The following CDH8 variants were observed in gnomAD, a reference collection of about 807,000 sequenced individuals.
The protein encoded by CDH8 is cadherin-8.
A neutral mutation model predicts 68.1 loss-of-function variants in CDH8; 17 were observed. The ratio of observed to expected loss-of-function variants is 0.25; its 90% CI spans 0.17 to 0.37. The LOEUF is 0.37. Among genes scored for constraint, CDH8 ranks in the 10% least tolerant of loss-of-function variants. CDH8 has a pLI of 1.00. For missense variants in CDH8, 763 were observed against 999.3 expected, an observed-to-expected ratio of 0.76 and a Z score of 3.19; for synonymous variants, 372 against 365.1, an observed-to-expected ratio of 1.02 and a Z score of -0.21.
chr16:61,909,601 G>A (rs1484023661), intron 2 of CDH8, among the ~76,000 whole-genome samples: 2 of 152,130 alleles, frequency 1.3e-5, no homozygotes, highest in African/African-American at 4.8e-5. Flanking sequence ...AGACCCTCAG[G>A]AAAGCATGAA....
At chr16:61,723,442 T>G (rs62050477) in intron 9 of CDH8, among the ~76,000 whole-genome samples, 19,520 of 150,738 alleles carry the variant, frequency 0.13, 1,310 homozygotes, top group African/African-American at 0.16. Context: ...ATGTTTTCTG[T>G]CTCTGGTGAA....
chr16:61,844,825 A>G (rs765872969), intron 4 of CDH8, among the ~76,000 whole-genome samples: 4 of 152,224 alleles, frequency 2.6e-5, no homozygotes, highest in Non-Finnish European at 4.4e-5. Context: ...TGGCACATCA[A>G]TAATCAGTTT....
At chr16:61,668,442 T>C (rs961753208) in intron 10 of CDH8, among the ~76,000 whole-genome samples, 1 of 151,984 alleles carries the variant, frequency 6.6e-6, no homozygotes, top group Non-Finnish European at 1.5e-5. Context: ...CCTCAGGCAT[T>C]GGGGAATGAG....
At chr16:62,001,114 A>C (rs1965886701) in intron 2 of CDH8, among the ~76,000 whole-genome samples, 1 of 152,280 alleles carries the variant, frequency 6.6e-6, no homozygotes, top group Admixed American at 6.5e-5. Context: ...AATTAGGGGA[A>C]TGACTGGTCT....
intron 2 of CDH8, among the ~76,000 whole-genome samples, chr16:62,011,134 A>G (rs1379050841): frequency 6.6e-6 from 1 of 152,134 alleles, no homozygotes; most frequent in Admixed American, 6.6e-5. Context: ...CTGTTTCTCA[A>G]TATTCCTCAG....
intron 4 of CDH8, among the ~76,000 whole-genome samples, chr16:61,827,789 G>T (rs1050766776): frequency 6.6e-6 from 1 of 151,734 alleles, no homozygotes; most frequent in Non-Finnish European, 1.5e-5. Flanking sequence ...TGAACAACAC[G>T]GGAGGTAAGG....
At chr16:61,843,990 G>A (rs191979758) in intron 4 of CDH8, among the ~76,000 whole-genome samples, 2 of 151,936 alleles carry the variant, frequency 1.3e-5, no homozygotes, top group African/African-American at 4.8e-5. Flanking sequence ...TGTTTATTGC[G>A]GCACTATTCA....
rs191804090 is a variant in CDH8, at chr16:61,938,228, T to C, written c.253-36755A>G. ...ACATGAGTGGCTGTAGACAAGTTGA[T>C]GAGGAATGAATTAATTACCCAGTCA... is the stretch of plus-strand genomic sequence containing the variant. On this transcript the variant is annotated intron_variant, in intron 2 of 11. Transcript: ENST00000577390. 2.0e-3 allele frequency among the ~76,000 whole-genome samples: 307 copies of C among 152,230 alleles called. 1 individual carries two copies. Among genetic ancestry groups the C allele is most frequent in the Middle Eastern group, 3.4e-3 (1 of 294 alleles).
At chr16:61,715,160 T>C (rs1206072625) in intron 9 of CDH8, among the ~76,000 whole-genome samples, 1 of 151,678 alleles carries the variant, frequency 6.6e-6, no homozygotes, top group African/African-American at 2.4e-5. Flanking sequence ...ATAATCTTAC[T>C]TTGTAAGTGT....
chr16:61,960,317 A>G lies in CDH8; in HGVS notation c.253-58844T>C, dbSNP rs549312674. 1.5e-4 allele frequency among the ~76,000 whole-genome samples: 14 copies of G among 95,014 alleles called. 2 individuals are homozygous for G. The highest frequency in any genetic ancestry group is 2.3e-4 in the Non-Finnish European group (12 of 52,890). 62.3% of individuals were successfully genotyped at this position (95,014 alleles called of 152,430 possible). On this transcript the variant is annotated intron_variant, in intron 2 of 11. Transcript: ENST00000577390. ...TACGTGTGTGTGTATACACACATAT[A>G]TACGTGTGTGTGTATACACACATAT...
chr16:61,663,091 T>C (rs1346045062), intron 10 of CDH8, among the ~76,000 whole-genome samples: 1 of 152,000 alleles, frequency 6.6e-6, no homozygotes, highest in African/African-American at 2.4e-5. Context: ...AATGACAATA[T>C]TCCTAAAGTG....
chr16:61,940,151 A>G (rs1434373818), intron 2 of CDH8: 1 of 152,180 alleles, frequency 6.6e-6, no homozygotes, highest in Non-Finnish European at 1.5e-5. Flanking sequence ...TTTTTACATA[A>G]AAAGAATTTA....
chr16:61,825,850 A>G (rs193231693), intron 4 of CDH8, among the ~76,000 whole-genome samples: 44 of 152,060 alleles, frequency 2.9e-4, no homozygotes, highest in African/African-American at 1.0e-3. Flanking sequence ...AAAATTACAT[A>G]AAATACGATA....
intron 10 of CDH8, among the ~76,000 whole-genome samples, chr16:61,690,250 G>T (rs920127097): frequency 6.6e-6 from 1 of 152,030 alleles, no homozygotes; most frequent in Admixed American, 6.6e-5. Context: ...GATTCTAAAG[G>T]TTAATAATTC....
At chr16:61,654,572 T>C (rs1963398842) in intron 11 of CDH8, among the ~76,000 whole-genome samples, 1 of 152,200 alleles carries the variant, frequency 6.6e-6, no homozygotes, top group South Asian at 2.1e-4. Context: ...TATGTTCTTT[T>C]ATAAAAAAGT....
chr16:61,742,985 G>A (rs1011960035), intron 8 of CDH8, among the ~76,000 whole-genome samples: 1 of 151,942 alleles, frequency 6.6e-6, no homozygotes, highest in Non-Finnish European at 1.5e-5. Flanking sequence ...ATGCCATTTT[G>A]CAAAGCCTGC....
intron 2 of CDH8, chr16:61,940,224 C>T (rs983813332): frequency 6.6e-6 from 1 of 151,986 alleles, no homozygotes; most frequent in African/African-American, 2.4e-5. Context: ...TGCTGCACAT[C>T]AACGTGAGTC....
intron 8 of CDH8, among the ~76,000 whole-genome samples, chr16:61,772,602 A>G (rs1960806335): frequency 6.6e-6 from 1 of 152,034 alleles, no homozygotes; most frequent in African/African-American, 2.4e-5. Flanking sequence ...AAGGCTTGTG[A>G]TCTCCAGCAG....
At chr16:61,901,601 T>A (rs557121800) in intron 2 of CDH8, 128 bp from the exon 3 acceptor site, 7 of 640,334 alleles carry the variant, frequency 1.1e-5, no homozygotes, top group Non-Finnish European at 1.9e-5. Context: ...ATAGTAGCTG[T>A]ACAAAGTGTA....
Sources: gnomAD v4.1 joint callset for allele counts (sites outside exome capture counted in the v4.1 genomes callset) on GRCh38, gnomAD v4.1.1 for gene constraint, MANE v1.5 for transcripts, NCBI Gene and HGNC (gene_info 2026-07-23, HGNC 2026-07-21) for gene names.